Variants in FARP2 observed in about 807,000 individuals in gnomAD.
FARP2 encodes FERM, ARHGEF and pleckstrin domain-containing protein 2.
A neutral mutation model predicts 130.5 loss-of-function variants in FARP2; 111 were observed. The observed-to-expected ratio is 0.85, with a 90% confidence interval of 0.73 to 1.00. The LOEUF is 1.00. Ranked by LOEUF, FARP2 falls within the 50% of genes least tolerant of loss-of-function variation. FARP2 has a pLI of 0.00. For missense variants in FARP2, 1,385 were observed against 1,346.3 expected, an observed-to-expected ratio of 1.03 and a Z score of -0.45; for synonymous variants, 504 against 516.9, an observed-to-expected ratio of 0.98 and a Z score of 0.34.
At chr2:241,474,040 C>T (rs1274549603) in intron 18 of FARP2, among the ~76,000 whole-genome samples, 2 of 152,072 alleles carry the variant, frequency 1.3e-5, no homozygotes, top group African/African-American at 2.4e-5. Context: ...GGCGCGGTGG[C>T]TCACGCCTGT....
chr2:241,406,411 GTA>G lies in FARP2; in HGVS notation c.332-1117_332-1116del, dbSNP rs796559686. On this transcript the variant is annotated intron_variant, in intron 4 of 26. Transcript: ENST00000264042. ...TGTGTGGGTATATATATGTCTGTGT[GTA>G]TATATATAGAGAGAGAGAGAGAGAG... 2.3e-4 allele frequency among the ~76,000 whole-genome samples: 28 copies of G among 123,560 alleles called. No homozygotes were observed. The East Asian group carries it at 0.01, about 45-fold the overall frequency. The allele number at this position is 123,560 out of a possible 152,430, so 81.1% of individuals were successfully genotyped here.
chr2:241,494,155 T>A lies in FARP2; in HGVS notation c.*30T>A. ...CAACCTGCCCAGGTTTGGACACAAC[T>A]ACAAAGAACAGCAGGACACAGAGGT... On this transcript the variant is annotated 3_prime_UTR_variant, in exon 27 of 27. Transcript: ENST00000264042. The surrounding 1 kb of genome is among the most constrained non-coding windows in gnomAD (Gnocchi z 4.9). 2 of 1,341,642 alleles carry A rather than the reference T, an allele frequency of 1.5e-6. No homozygotes were observed. Among genetic ancestry groups the A allele is most frequent in the Non-Finnish European group, 2.0e-6 (2 of 999,110 alleles). The allele number at this position is 1,341,642 out of a possible 1,614,324, so 83.1% of individuals were successfully genotyped here. A position where few individuals can be genotyped will look rare whatever the true frequency, so the allele number is the denominator to read the frequency against.
Position 241,493,427 on chromosome 2 carries a change from C to T in FARP2, c.3030C>T (p.Ser1010=). 2.5e-6 allele frequency: 4 copies of T among 1,613,840 alleles called. No homozygotes were observed. The highest frequency in any genetic ancestry group is 2.5e-6 in the Non-Finnish European group (3 of 1,180,004). Residue 1010 remains serine, a synonymous_variant, in exon 26 of 27, where the codon AGC becomes AGT. Coordinates refer to ENST00000264042, the MANE Select transcript of FARP2 (RefSeq NM_014808.4). ...ACGTCTACTTCTTCCGGGCTGAGAG[C>T]AAGTACACATTTGAAAGGTAATTTT... is the stretch of plus-strand genomic sequence containing the variant. ...KSHVYFFRAE[S]KYTFERWMEV...
intron 19 of FARP2, among the ~76,000 whole-genome samples, chr2:241,483,082 C>T (rs576792136): frequency 1.2e-4 from 18 of 152,134 alleles, no homozygotes; most frequent in Non-Finnish European, 2.1e-4. Flanking sequence ...CTCCCATTCT[C>T]GAACCTGCTC....
At chr2:241,455,313 T>C (rs2063800830) in intron 13 of FARP2, among the ~76,000 whole-genome samples, 1 of 152,220 alleles carries the variant, frequency 6.6e-6, no homozygotes, top group African/African-American at 2.4e-5. Flanking sequence ...TCAGCAATCA[T>C]CGTTAGAAAT....
At chr2:241,390,512 G>A (rs2061881471) in intron 2 of FARP2, among the ~76,000 whole-genome samples, 1 of 152,118 alleles carries the variant, frequency 6.6e-6, no homozygotes, top group Non-Finnish European at 1.5e-5. Context: ...TCCAATTCAA[G>A]TCTTGTCCAT....
intron 2 of FARP2, among the ~76,000 whole-genome samples, chr2:241,390,685 TA>T (rs1200666820): frequency 6.6e-6 from 1 of 152,172 alleles, no homozygotes; most frequent in African/African-American, 2.4e-5. Flanking sequence ...TCTTTAATTT[TA>T]ATTTTTTCCC....
At position 241,370,482 on chromosome 2, in the gene FARP2, C is replaced by T. The variant is rs533666297; in HGVS notation, c.-24-2602C>T. 9.9e-5 allele frequency among the ~76,000 whole-genome samples: 15 copies of T among 152,054 alleles called. No homozygotes were observed. In the South Asian group the frequency reaches 2.1e-3, roughly 21 times the overall value. ...GTTAATTGCCTCAATTTGGCCATCC[C>T]GTAGTGTAGACATATTTCAGGGCAT... On this transcript the variant is annotated intron_variant, in intron 1 of 26. Transcript: ENST00000264042.
At chr2:241,484,100 T>TA (rs754326672) in intron 20 of FARP2, 142 bp from the exon 21 acceptor site, 56 of 1,445,630 alleles carry the variant, frequency 3.9e-5, no homozygotes, top group Non-Finnish European at 5.0e-5. Flanking sequence ...AATGAATGAA[T>TA]AAAAGTCCCC....
At chr2:241,410,886 T>C in intron 5 of FARP2, 147 bp from the exon 6 acceptor site, 1 of 601,678 alleles carries the variant, frequency 1.7e-6, no homozygotes, top group East Asian at 2.9e-5. Context: ...GTGACTTTGC[T>C]GTTTCGTGAC....
At chr2:241,454,760 TTAA>T (rs2063787056) in intron 13 of FARP2, among the ~76,000 whole-genome samples, 1 of 152,250 alleles carries the variant, frequency 6.6e-6, no homozygotes, top group Non-Finnish European at 1.5e-5. Flanking sequence ...AAATTTGTTG[TTAA>T]TAATTTCCTA....
rs1383360558 is a variant in FARP2 at position 241,482,825 on chromosome 2, G to A, written c.2263-640G>A. ...AGGTTAGGAATCTGAGGGGCTCCCA[G>A]GACTCTCGCTTACCCTATCTGCGCA... On this transcript the variant is annotated intron_variant, in intron 19 of 26. Coordinates refer to ENST00000264042, the MANE Select transcript of FARP2 (RefSeq NM_014808.4). This position sits in a 1 kb window ranked among gnomAD's most constrained non-coding sequence, Gnocchi z 4.6. Among the ~76,000 whole-genome samples, 1 of 152,182 alleles carries A rather than the reference G, an allele frequency of 6.6e-6. No homozygotes were observed. The highest frequency in any genetic ancestry group is 2.4e-5 in the African/African-American group (1 of 41,424).
chr2:241,443,014 T>C (rs745508864), intron 13 of FARP2: 1 of 201,366 alleles, frequency 5.0e-6, no homozygotes, highest in Non-Finnish European at 1.0e-5. Flanking sequence ...AGTATGCCTC[T>C]ACAGCCCTAA....
In FARP2 at chr2:241,368,657, A is replaced by G. The variant is rs545860685; in HGVS notation, c.-24-4427A>G. Among the ~76,000 whole-genome samples, 16 of 152,174 alleles carry G rather than the reference A, an allele frequency of 1.1e-4. 1 individual carries two copies. Among genetic ancestry groups the G allele is most frequent in the African/African-American group, 3.9e-4 (16 of 41,430 alleles). ...AATGTATTTTTTTACATTTCTTTAG[A>G]GATAGAGTCTCACTATGTTGCCCAG... On this transcript the variant is annotated intron_variant, in intron 1 of 26. Coordinates refer to ENST00000264042, the MANE Select transcript of FARP2 (RefSeq NM_014808.4).
chr2:241,437,149 TAA>T (rs1283861111), intron 12 of FARP2, among the ~76,000 whole-genome samples: 1 of 152,190 alleles, frequency 6.6e-6, no homozygotes, highest in Non-Finnish European at 1.5e-5. Context: ...AAGCATGGCT[TAA>T]AAAGAGTATG....
chr2:241,419,400 A>C (rs771745064), intron 8 of FARP2, among the ~76,000 whole-genome samples: 1 of 152,200 alleles, frequency 6.6e-6, no homozygotes, highest in Non-Finnish European at 1.5e-5. Flanking sequence ...CCAGAAAAAA[A>C]CAAATAATAC....
At chr2:241,397,694 T>C (rs2062063509) in intron 2 of FARP2, among the ~76,000 whole-genome samples, 1 of 152,078 alleles carries the variant, frequency 6.6e-6, no homozygotes, top group Admixed American at 6.6e-5. Flanking sequence ...TAGAATCAGC[T>C]GCTTCATTGA....
intron 12 of FARP2, 100 bp downstream of exon 12, chr2:241,436,638 T>A: frequency 1.0e-6 from 1 of 960,406 alleles, no homozygotes; most frequent in Non-Finnish European, 1.7e-6. Context: ...AAATTAATCA[T>A]ATTATTTAAT....
At chr2:241,393,155 GA>G (rs2061949926) in intron 2 of FARP2, among the ~76,000 whole-genome samples, 1 of 151,698 alleles carries the variant, frequency 6.6e-6, no homozygotes, top group African/African-American at 2.4e-5. Flanking sequence ...GAGTAGCTGG[GA>G]CTACAGGCAC....
Sources: gnomAD v4.1 joint callset for allele counts (sites outside exome capture counted in the v4.1 genomes callset) on GRCh38, gnomAD v4.1.1 for gene constraint, Gnocchi (gnomAD v3.1) non-coding constraint, MANE v1.5 for transcripts, NCBI Gene and HGNC (gene_info 2026-07-23, HGNC 2026-07-21) for gene names.